The following PDCD11 variants were observed in gnomAD, a reference collection of about 807,000 sequenced individuals.
The protein encoded by PDCD11 is protein RRP5 homolog.
PDCD11 carries 97 observed loss-of-function variants against 198.9 expected under a neutral mutation model. The ratio of observed to expected loss-of-function variants is 0.49; its 90% CI spans 0.41 to 0.58. The LOEUF (loss-of-function observed/expected upper bound fraction) is 0.58, where lower values mean the gene tolerates loss of function less well. Among genes scored for constraint, PDCD11 ranks in the 20% least tolerant of loss-of-function variants. PDCD11 has a pLI of 0.00. For missense variants in PDCD11, 2,102 were observed against 2,312.7 expected, an observed-to-expected ratio of 0.91 and a Z score of 1.87; for synonymous variants, 893 against 918.0, an observed-to-expected ratio of 0.97 and a Z score of 0.49.
chr10:103,407,877 C>A (rs1390417580), intron 7 of PDCD11, among the ~76,000 whole-genome samples: 1 of 152,008 alleles, frequency 6.6e-6, no homozygotes, highest in Non-Finnish European at 1.5e-5. Flanking sequence ...CACCACCACA[C>A]CCGGCTGGTT....
chr10:103,435,557 G>A (rs962912609), intron 25 of PDCD11, among the ~76,000 whole-genome samples: 13 of 151,740 alleles, frequency 8.6e-5, no homozygotes, highest in East Asian at 5.8e-4. Flanking sequence ...AGTGCAGTGC[G>A]TAGGCTGGAG....
intron 3 of PDCD11, 36 bp from the exon 4 acceptor site, chr10:103,403,082 A>C: frequency 6.3e-7 from 1 of 1,599,886 alleles, no homozygotes; most frequent in Non-Finnish European, 8.6e-7. Flanking sequence ...TGTTGTTCCC[A>C]TCCTTATTGT....
At chr10:103,436,761 G>T (rs1320887462) in intron 25 of PDCD11, among the ~76,000 whole-genome samples, 2 of 152,212 alleles carry the variant, frequency 1.3e-5, no homozygotes, top group Non-Finnish European at 2.9e-5. Context: ...GTCCCTTGAG[G>T]TTCTGTCCAG....
At chr10:103,444,769 C>G (rs2032529472) in intron 35 of PDCD11, 87 bp downstream of exon 35, 3 of 1,284,472 alleles carry the variant, frequency 2.3e-6, no homozygotes, top group Admixed American at 1.7e-5. Flanking sequence ...CATCCCAGTT[C>G]TCTTACTTGA....
chr10:103,444,190 G>A, intron 34 of PDCD11, 122 bp downstream of exon 34: 1 of 791,128 alleles, frequency 1.3e-6, no homozygotes, highest in South Asian at 1.8e-5. Flanking sequence ...CTTGCTGCCT[G>A]TTGATTCTCT....
chr10:103,398,343 G>C, intron 1 of PDCD11, 73 bp from the exon 2 acceptor site: 3 of 889,436 alleles, frequency 3.4e-6, no homozygotes, highest in Non-Finnish European at 5.7e-6. Context: ...TCTGTCTCTT[G>C]CCCGTTGATA....
intron 4 of PDCD11, 38 bp from the exon 5 acceptor site, chr10:103,404,984 A>C: frequency 1.3e-6 from 2 of 1,597,518 alleles, no homozygotes; most frequent in Non-Finnish European, 1.7e-6. Context: ...GTTCAGGAGA[A>C]GGGTGTATAT....
Position 103,440,593 on chromosome 10 carries a change from C to T in PDCD11, c.4440+12C>T, listed in dbSNP as rs199898174. ...CTGGGAGTGAGCAGGTGAGGTCCTG[C>T]GGAGGGCTGTGGCTGCCTATCCTCC... On this transcript the variant is annotated intron_variant, in intron 29 of 35. Coordinates refer to ENST00000369797, the MANE Select transcript of PDCD11 (RefSeq NM_014976.2). 13 of 1,608,742 alleles carry T rather than the reference C, an allele frequency of 8.1e-6. No homozygotes were observed. The highest frequency in any genetic ancestry group is 6.7e-5 in the Admixed American group (4 of 59,816).
At chr10:103,418,999 C>G (rs1321572083) in intron 15 of PDCD11, among the ~76,000 whole-genome samples, 5 of 151,178 alleles carry the variant, frequency 3.3e-5, no homozygotes, top group Non-Finnish European at 5.9e-5. Flanking sequence ...TTTTTTTTCC[C>G]CTATGCCTTC....
chr10:103,429,616 CAGTAAAAAATTACTGTAATTTTTAAA>C (rs1322017043), intron 21 of PDCD11, among the ~76,000 whole-genome samples: 3 of 151,966 alleles, frequency 2.0e-5, no homozygotes, highest in Non-Finnish European at 4.4e-5. Flanking sequence ...TAATTTTTTA[CAGTAAAAAATTACTGTAATTTTTAAA>C]ATTACTATAA....
rs1262900484 is a variant in PDCD11, at chr10:103,409,773, C to T, written c.945C>T (p.Pro315=). The T allele has an allele frequency of 3.7e-6, 6 of 1,613,742 alleles. No individual in the cohort carries two copies. Among genetic ancestry groups the T allele is most frequent in the Non-Finnish European group, 4.2e-6 (5 of 1,179,784 alleles). Residue 315 remains proline, a synonymous_variant, in exon 8 of 36, where the codon CCC becomes CCT. Transcript: ENST00000369797. The part of the protein sequence containing the change: ...TGVVDFMHLD[P]KKAGTYFSNQ... ...TGGTTGACTTTATGCACCTGGATCC[C>T]AAGAAAGCTGGAACATATTTCTCAA...
intron 16 of PDCD11, among the ~76,000 whole-genome samples, chr10:103,420,847 G>GT (rs1038454282): frequency 4.6e-5 from 7 of 150,866 alleles, no homozygotes; most frequent in African/African-American, 1.5e-4. Context: ...TGGAGGCTCT[G>GT]TTTTTTTTGT....
intron 30 of PDCD11, among the ~76,000 whole-genome samples, chr10:103,441,307 G>A (rs970879205): frequency 2.7e-4 from 41 of 152,134 alleles, no homozygotes; most frequent in Admixed American, 6.5e-4. Context: ...ATCCAGGCTG[G>A]AGTGCAGTTG....
intron 3 of PDCD11, 28 bp from the exon 4 acceptor site, chr10:103,403,090 T>C (rs1387409790): frequency 1.2e-6 from 2 of 1,608,338 alleles, no homozygotes; most frequent in Non-Finnish European, 8.5e-7. Context: ...CCATCCTTAT[T>C]GTACACATTT....
rs2032570067 is a variant in PDCD11, at chr10:103,445,487, C to T, written c.5554C>T (p.Gln1852Ter). The T allele has an allele frequency of 1.2e-6, 2 of 1,614,138 alleles. No homozygotes were observed. The highest frequency in any genetic ancestry group is 1.1e-5 in the South Asian group (1 of 91,070). ...GCAGCATGGCACTGAGAAGGATGTG[C>T]AGGCAGTCAAGGCCAAGGCCCTGGA... is the stretch of plus-strand genomic sequence containing the variant. Reference protein sequence around the residue: ...EKQHGTEKDVQAVKAKALEYV... With the variant: ...EKQHGTEKDV The change falls in exon 36 of 36, where the codon CAG becomes TAG. Residue 1852 changes from glutamine to a stop codon, truncating the protein, a stop_gained. Coordinates refer to ENST00000369797, the MANE Select transcript of PDCD11 (RefSeq NM_014976.2). LOFTEE classifies it high-confidence loss of function.
chr10:103,444,984 C>T (rs2032541281), intron 35 of PDCD11, among the ~76,000 whole-genome samples: 1 of 152,192 alleles, frequency 6.6e-6, no homozygotes, highest in Admixed American at 6.5e-5. Context: ...TTGCTTTTGA[C>T]CCCAGCGTCT....
Position 103,442,333 on chromosome 10 carries a change from C to G in PDCD11, c.4828C>G (p.Arg1610Gly). ...GCCAGAGTCCGCGGATGATTTTGAC[C>G]GACTGGTGCTGAGCTCCCCCAACAG... is the stretch of plus-strand genomic sequence containing the variant. ...RQPESADDFD[R>G]LVLSSPNSSI... is the part of the protein sequence containing the mutation. The change falls in exon 32 of 36, where the codon CGA (arginine) becomes GGA (glycine). Residue 1610 changes from arginine to glycine, a missense_variant. Physicochemically the swap from Arg to Gly is moderately radical, Grantham distance 125. Coordinates refer to ENST00000369797, the MANE Select transcript of PDCD11 (RefSeq NM_014976.2). 1 of 1,614,192 alleles carries G rather than the reference C, an allele frequency of 6.2e-7. No individual in the cohort carries two copies. The highest frequency in any genetic ancestry group is 1.1e-5 in the South Asian group (1 of 91,082).
At chr10:103,411,099 T>C (rs61871166) in intron 8 of PDCD11, among the ~76,000 whole-genome samples, 5 of 151,530 alleles carry the variant, frequency 3.3e-5, no homozygotes, top group African/African-American at 1.2e-4. Flanking sequence ...AAAAAATTTT[T>C]ACAGGCGAGG....
At chr10:103,439,679 C>A in intron 27 of PDCD11, 67 bp from the exon 28 acceptor site, 1 of 1,598,396 alleles carries the variant, frequency 6.3e-7, no homozygotes, top group Non-Finnish European at 8.6e-7. Context: ...AGAGTGAAGT[C>A]CCGAGGCCTG....
Sources: allele counts gnomAD v4.1 joint callset (sites outside exome capture counted in the v4.1 genomes callset), GRCh38; gene constraint gnomAD v4.1.1; transcripts MANE v1.5; gene names NCBI Gene and HGNC (gene_info 2026-07-23, HGNC 2026-07-21).